Variants in PTPRZ1 observed in about 807,000 individuals in gnomAD.
PTPRZ1 encodes receptor-type tyrosine-protein phosphatase zeta.
PTPRZ1 carries 82 observed loss-of-function variants against 214.1 expected under a neutral mutation model. That is an observed-to-expected ratio of 0.38 (90% CI 0.32 to 0.46). PTPRZ1 has a LOEUF of 0.46. PTPRZ1 is among the 20% of genes least tolerant of loss of function. The pLI is 1.00. For synonymous variants in PTPRZ1, 945 were observed against 987.9 expected (o/e 0.96, Z 0.81); for missense variants, 2,603 against 2,748.7 (o/e 0.95, Z 1.19).
intron 24 of PTPRZ1, 37 bp downstream of exon 24, chr7:122,051,558 A>T (rs761185631): frequency 1.3e-6 from 2 of 1,536,374 alleles, no homozygotes; most frequent in African/African-American, 2.8e-5. Flanking sequence ...CAACTTTTTT[A>T]AAATAATAAA....
intron 8 of PTPRZ1, among the ~76,000 whole-genome samples, chr7:121,993,929 GTTGA>G (rs1236509445): frequency 1.3e-5 from 2 of 151,876 alleles, no homozygotes; most frequent in Non-Finnish European, 2.9e-5. Context: ...CAACTATATT[GTTGA>G]TTAACAATAA....
intron 17 of PTPRZ1, among the ~76,000 whole-genome samples, chr7:122,035,986 G>A (rs912091514): frequency 2.6e-5 from 4 of 152,172 alleles, no homozygotes; most frequent in African/African-American, 9.7e-5. Flanking sequence ...CACTGGCAGT[G>A]TGCTATCTAC....
Position 122,044,500 on chromosome 7 carries a change from C to A in PTPRZ1, c.6016C>A (p.His2006Asn). ...AACTGAGGTGCTGGACAGTCATATT[C>A]ATGCCTATGTTAATGCACTCCTCAT... ...KETEVLDSHI[H>N]AYVNALLIPG... Residue 2006 changes from histidine to asparagine, a missense_variant, in exon 23 of 30, where the codon CAT becomes AAT. Transcript: ENST00000393386. 1 of 1,613,882 alleles carries A rather than the reference C, an allele frequency of 6.2e-7. No individual in the cohort carries two copies. The highest frequency in any genetic ancestry group is 8.5e-7 in the Non-Finnish European group (1 of 1,179,808).
rs1488477674 is a variant in PTPRZ1 at position 122,013,839 on chromosome 7, C to T, written c.4793C>T (p.Thr1598Ile). The change falls in exon 12 of 30, where the codon ACA (threonine) becomes ATA (isoleucine). Residue 1598 changes from threonine to isoleucine, a missense_variant. By Grantham distance (89) the Thr-to-Ile change is moderately conservative. This residue lies in a region of PTPRZ1 where 1,913 missense variants were observed against 1,914.3 expected (regional missense o/e 1.00). Transcript: ENST00000393386. ...ACTCCTGGATTCCCACAGTCCCCAA[C>T]ATCATCTGTTACTAGCGAGAACTCA... ...EITPGFPQSP[T>I]SSVTSENSEV... 6.2e-7 allele frequency: 1 copy of T among 1,613,690 alleles called. No homozygotes were observed. The highest frequency in any genetic ancestry group is 8.5e-7 in the Non-Finnish European group (1 of 1,179,878).
In PTPRZ1 at chr7:122,036,591, A is replaced by C. The variant is rs759509507; in HGVS notation, c.5285-9A>C. 2.6e-6 allele frequency: 4 copies of C among 1,562,092 alleles called. No homozygotes were observed. The highest frequency in any genetic ancestry group is 3.3e-5 in the Admixed American group (2 of 59,736). On this transcript the variant is annotated splice_polypyrimidine_tract_variant and intron_variant, in intron 17 of 29. Coordinates refer to ENST00000393386, the MANE Select transcript of PTPRZ1 (RefSeq NM_002851.3). The stretch of plus-strand genomic sequence containing the variant: ...TGCTACAATGAAATATATTCTCTTT[A>C]TATTACAGATGATCATAGCAGGGTT...
intron 13 of PTPRZ1, among the ~76,000 whole-genome samples, chr7:122,023,180 C>T (rs1227842169): frequency 1.3e-5 from 2 of 151,934 alleles, no homozygotes; most frequent in Non-Finnish European, 2.9e-5. Flanking sequence ...TATAATAAAT[C>T]TGCTATTTCA....
chr7:121,879,188 G>T (rs866811039), intron 1 of PTPRZ1, among the ~76,000 whole-genome samples: 4 of 152,220 alleles, frequency 2.6e-5, no homozygotes, highest in Non-Finnish European at 5.9e-5. Context: ...GATACTGAGT[G>T]TGTACTTACA....
At chr7:121,977,164 T>G (rs565705641) in intron 6 of PTPRZ1, among the ~76,000 whole-genome samples, 1 of 152,326 alleles carries the variant, frequency 6.6e-6, no homozygotes, top group East Asian at 1.9e-4. Flanking sequence ...CTCTGCATTA[T>G]ACATCCGTTA....
At chr7:121,910,200 T>G (rs1795229942) in intron 1 of PTPRZ1, among the ~76,000 whole-genome samples, 1 of 152,174 alleles carries the variant, frequency 6.6e-6, no homozygotes, top group Admixed American at 6.5e-5. Flanking sequence ...CTCAGGTGTC[T>G]GCAGACTTCT....
intron 2 of PTPRZ1, among the ~76,000 whole-genome samples, chr7:121,939,783 A>C (rs1187659911): frequency 1.3e-5 from 2 of 152,238 alleles, no homozygotes; most frequent in Non-Finnish European, 2.9e-5. Flanking sequence ...AAGTAATCAC[A>C]AGTATGCAAA....
chr7:121,921,201 C>A (rs1795588414), intron 1 of PTPRZ1, among the ~76,000 whole-genome samples: 1 of 152,082 alleles, frequency 6.6e-6, no homozygotes, highest in African/African-American at 2.4e-5. Flanking sequence ...TTAAATGCAT[C>A]TAAGTATAGG....
chr7:121,919,736 C>T (rs1446035759), intron 1 of PTPRZ1, among the ~76,000 whole-genome samples: 2 of 152,074 alleles, frequency 1.3e-5, no homozygotes, highest in African/African-American at 4.8e-5. Context: ...TGTGATGTTT[C>T]CTTTAACATA....
chr7:122,055,122 T>A (rs376492993), intron 27 of PTPRZ1, 35 bp downstream of exon 27: 48 of 1,452,970 alleles, frequency 3.3e-5, no homozygotes, highest in Non-Finnish European at 4.2e-5. Context: ...ACTTTTTATC[T>A]TAAACACATG....
At chr7:122,002,319 A>G (rs1798353907) in intron 10 of PTPRZ1, among the ~76,000 whole-genome samples, 1 of 152,198 alleles carries the variant, frequency 6.6e-6, no homozygotes. Context: ...AGTAATATGA[A>G]TGTGCTAACA....
rs201653263 is a variant in PTPRZ1 at position 122,044,481 on chromosome 7, G to A, written c.5997G>A (p.Glu1999=). Reference sequence around the variant, plus strand: ...AGGCCATACTTAGTAAAGAAACTGAGGTGCTGGACAGTCATATTCATGCCT... The same window carrying A: ...AGGCCATACTTAGTAAAGAAACTGAAGTGCTGGACAGTCATATTCATGCCT... ...LVEAILSKET[E]VLDSHIHAYV... Residue 1999 remains glutamate (E), a synonymous_variant, in exon 23 of 30, where the codon GAG becomes GAA. Transcript: ENST00000393386. 266 of 1,613,908 alleles carry A rather than the reference G, an allele frequency of 1.6e-4. 2 individuals carry two copies. In the East Asian group the frequency reaches 5.8e-3, roughly 35 times the overall value.
intron 1 of PTPRZ1, among the ~76,000 whole-genome samples, chr7:121,907,144 A>G (rs1305648845): frequency 2.0e-5 from 3 of 152,146 alleles, no homozygotes; most frequent in Non-Finnish European, 1.5e-5. Context: ...GATAAAAAGA[A>G]TAAGTTAAAT....
At chr7:121,908,277 C>G (rs990855719) in intron 1 of PTPRZ1, 2 of 224,948 alleles carry the variant, frequency 8.9e-6, no homozygotes, top group Admixed American at 1.1e-4. Context: ...GTTGTCAACT[C>G]CATATCTTTC....
intron 23 of PTPRZ1, among the ~76,000 whole-genome samples, chr7:122,047,718 G>A (rs888285494): frequency 2.4e-4 from 36 of 150,250 alleles, no homozygotes; most frequent in Non-Finnish European, 4.4e-5. Context: ...GCACAATCTC[G>A]GCTCACTGCA....
chr7:122,015,189 AT>A (rs1798808923), intron 12 of PTPRZ1, among the ~76,000 whole-genome samples: 1 of 152,148 alleles, frequency 6.6e-6, no homozygotes, highest in African/African-American at 2.4e-5. Context: ...GAATTTTATA[AT>A]TTGCTTTTAT....
Sources: gnomAD v4.1 joint callset for allele counts (sites outside exome capture counted in the v4.1 genomes callset) on GRCh38, gnomAD v4.1.1 for gene constraint, gnomAD v4.1.1 regional missense constraint, MANE v1.5 for transcripts, NCBI Gene and HGNC (gene_info 2026-07-23, HGNC 2026-07-21) for gene names.